TNFSF9: variants seen among roughly 807,000 people sequenced by gnomAD.
TNFSF9 encodes tumor necrosis factor ligand superfamily member 9.
Under a neutral mutation model 10.3 loss-of-function variants are expected in TNFSF9, and 10 were observed. The observed-to-expected ratio is 0.97, with a 90% CI of 0.60 to 1.65. The LOEUF is 1.65. TNFSF9 is among the 40% of genes most tolerant of loss of function. The pLI is 0.00. For missense variants in TNFSF9, 361 were observed against 348.9 expected (o/e 1.03, Z -0.28); for synonymous variants, 195 against 176.1 (o/e 1.11, Z -0.85).
At chr19:6,532,219 C>G (rs534552519) in intron 1 of TNFSF9, among the ~76,000 whole-genome samples, 1 of 151,972 alleles carries the variant, frequency 6.6e-6, no homozygotes, top group African/African-American at 2.4e-5. Flanking sequence ...CTTTTCCCTC[C>G]TGAATTCTTG....
chr19:6,532,266 C>CGTGTGTGTGTGT (rs3043218), intron 1 of TNFSF9, among the ~76,000 whole-genome samples: 51 of 139,906 alleles, frequency 3.6e-4, no homozygotes, highest in African/African-American at 1.2e-3. Flanking sequence ...CCACCAGCTT[C>CGTGTGTGTGTGT]GTGTGTGTGT....
At chr19:6,531,436 G>C in intron 1 of TNFSF9, 133 bp downstream of exon 1, 1 of 1,277,364 alleles carries the variant, frequency 7.8e-7, no homozygotes, top group South Asian at 1.8e-5. Context: ...AGACCCACCG[G>C]GGCTCCCATT....
In TNFSF9 at chr19:6,535,197, TC is replaced by T. The variant is rs2145288631; in HGVS notation, c.*135del. On this transcript the variant is annotated 3_prime_UTR_variant, in exon 3 of 3. Coordinates refer to ENST00000245817, the MANE Select transcript of TNFSF9 (RefSeq NM_003811.4). Reference sequence around the variant, plus strand: ...TTGGCAGGGGTCCCTGCTGCTGACCTCCCCTTGAGGACCCTCCTCACCCACT... The same window carrying T: ...TTGGCAGGGGTCCCTGCTGCTGACCTCCCTTGAGGACCCTCCTCACCCACT... The T allele has an allele frequency of 1.0e-6, 1 of 994,424 alleles. No homozygotes were observed. The highest frequency in any genetic ancestry group is 1.4e-6 in the Non-Finnish European group (1 of 714,986). The allele number at this position is 994,424 out of a possible 1,614,324, so 61.6% of individuals were successfully genotyped here. A position where few individuals can be genotyped will look rare whatever the true frequency, so the allele number is the denominator to read the frequency against.
chr19:6,532,019 T>C (rs1313442353), intron 1 of TNFSF9, among the ~76,000 whole-genome samples: 1 of 152,142 alleles, frequency 6.6e-6, no homozygotes, highest in Admixed American at 6.5e-5. Flanking sequence ...AAGCTCTGCA[T>C]CTCTGGGGGG....
rs756206732 is a variant in TNFSF9, at chr19:6,535,094, A to T, written c.*28A>T. On this transcript the variant is annotated 3_prime_UTR_variant, in exon 3 of 3. Coordinates refer to ENST00000245817, the MANE Select transcript of TNFSF9 (RefSeq NM_003811.4). ...TCCAGCCTGGGTGCAGCCCACCTGG[A>T]CAGAGTCCGAATCCTACTCCATCCT... is the stretch of plus-strand genomic sequence containing the variant. 2 of 1,499,688 alleles carry T rather than the reference A, an allele frequency of 1.3e-6. No individual in the cohort carries two copies. Among genetic ancestry groups the T allele is most frequent in the Non-Finnish European group, 1.8e-6 (2 of 1,124,142 alleles). 92.9% of individuals were successfully genotyped at this position (1,499,688 alleles called of 1,614,324 possible).
rs1915229057 is a variant in TNFSF9, at chr19:6,534,724, C to G, written c.423C>G (p.Tyr141Ter). Residue 141 changes from tyrosine to a stop codon, truncating the protein, a stop_gained, in exon 3 of 3, where the codon TAC (tyrosine) becomes TAG (stop). Transcript: ENST00000245817. LOFTEE classifies it low-confidence loss of function (END_TRUNC). ...TGGTGGTGGCCAAGGCTGGAGTCTA[C>G]TATGTCTTCTTTCAACTAGAGCTGC... ...KELVVAKAGV[Y>*]YVFFQLELRR... The G allele has an allele frequency of 6.3e-7, 1 of 1,597,256 alleles. No homozygotes were observed.
In TNFSF9 at chr19:6,531,111, C is replaced by T; in HGVS notation, c.75C>T (p.Arg25=). ...WPPAPRARAC[R]VLPWALVAGL... Reference sequence around the variant, plus strand: ...CCGCGCCCCGCGCTCGCGCCTGCCGCGTACTGCCTTGGGCCCTGGTCGCGG... The same window carrying T: ...CCGCGCCCCGCGCTCGCGCCTGCCGTGTACTGCCTTGGGCCCTGGTCGCGG... Residue 25 remains arginine, a synonymous_variant, in exon 1 of 3, where the codon CGC becomes CGT. Coordinates refer to ENST00000245817, the MANE Select transcript of TNFSF9 (RefSeq NM_003811.4). The T allele has an allele frequency of 6.2e-7, 1 of 1,610,640 alleles. No individual in the cohort carries two copies. Among genetic ancestry groups the T allele is most frequent in the Non-Finnish European group, 8.5e-7 (1 of 1,178,948 alleles).
At chr19:6,533,377 C>T (rs1050299267) in intron 2 of TNFSF9, among the ~76,000 whole-genome samples, 2 of 138,848 alleles carry the variant, frequency 1.4e-5, no homozygotes, top group Admixed American at 7.2e-5. Context: ...CTTCCCTCCC[C>T]GTCCAGAGAC....
Position 6,535,103 on chromosome 19 carries a change from G to T in TNFSF9, c.*37G>T. ...GGTGCAGCCCACCTGGACAGAGTCCGAATCCTACTCCATCCTTCATGGAGA... is the reference window on the plus strand; with the variant it reads ...GGTGCAGCCCACCTGGACAGAGTCCTAATCCTACTCCATCCTTCATGGAGA... On this transcript the variant is annotated 3_prime_UTR_variant, in exon 3 of 3. Coordinates refer to ENST00000245817, the MANE Select transcript of TNFSF9 (RefSeq NM_003811.4). 1 of 1,481,308 alleles carries T rather than the reference G, an allele frequency of 6.8e-7. No homozygotes were observed. 91.8% of individuals were successfully genotyped at this position (1,481,308 alleles called of 1,614,324 possible). A position where few individuals can be genotyped will look rare whatever the true frequency, so the allele number is the denominator to read the frequency against.
rs543563636 is a variant in TNFSF9 at position 6,531,814 on chromosome 19, C to T, written c.267+511C>T. Among the ~76,000 whole-genome samples, 7 of 152,170 alleles carry T rather than the reference C, an allele frequency of 4.6e-5. No homozygotes were observed. The East Asian group carries it at 1.4e-3, about 29-fold the overall frequency. ...ACCCCTCAGGGATACGTCTTCTGCACCCCGGGTCGGAGAAAGGCTGGCTTC... is the reference window on the plus strand; with the variant it reads ...ACCCCTCAGGGATACGTCTTCTGCATCCCGGGTCGGAGAAAGGCTGGCTTC... On this transcript the variant is annotated intron_variant, in intron 1 of 2. Coordinates refer to ENST00000245817, the MANE Select transcript of TNFSF9 (RefSeq NM_003811.4).
chr19:6,535,226 T>C lies in TNFSF9; in HGVS notation c.*160T>C, dbSNP rs973028597. The C allele has an allele frequency of 7.1e-6, 4 of 561,062 alleles. No individual in the cohort carries two copies. The highest frequency in any genetic ancestry group is 7.6e-5 in the Admixed American group (2 of 26,440). The allele number at this position is 561,062 out of a possible 1,614,324, so 34.8% of individuals were successfully genotyped here. Reference sequence around the variant, plus strand: ...CTTGAGGACCCTCCTCACCCACTCCTTCCCCAAGTTGGACCTTGATATTTA... The same window carrying C: ...CTTGAGGACCCTCCTCACCCACTCCCTCCCCAAGTTGGACCTTGATATTTA... On this transcript the variant is annotated 3_prime_UTR_variant, in exon 3 of 3. Coordinates refer to ENST00000245817, the MANE Select transcript of TNFSF9 (RefSeq NM_003811.4).
chr19:6,535,203 T>G lies in TNFSF9; in HGVS notation c.*137T>G. The G allele has an allele frequency of 1.1e-6, 1 of 900,908 alleles. No individual in the cohort carries two copies. 55.8% of individuals were successfully genotyped at this position (900,908 alleles called of 1,614,324 possible). Reference sequence around the variant, plus strand: ...GGGGTCCCTGCTGCTGACCTCCCCTTGAGGACCCTCCTCACCCACTCCTTC... The same window carrying G: ...GGGGTCCCTGCTGCTGACCTCCCCTGGAGGACCCTCCTCACCCACTCCTTC... On this transcript the variant is annotated 3_prime_UTR_variant, in exon 3 of 3. Coordinates refer to ENST00000245817, the MANE Select transcript of TNFSF9 (RefSeq NM_003811.4).
intron 2 of TNFSF9, 114 bp from the exon 3 acceptor site, chr19:6,534,486 G>A (rs2234176): frequency 2.8e-4 from 42 of 151,650 alleles, no homozygotes; most frequent in Non-Finnish European, 2.7e-4. Context: ...CCCGCCCCCC[G>A]GCCCCTGACC....
chr19:6,532,688 A>G, intron 1 of TNFSF9, 98 bp from the exon 2 acceptor site: 1 of 1,572,468 alleles, frequency 6.4e-7, no homozygotes, highest in Non-Finnish European at 8.7e-7. Flanking sequence ...TCAGGTCGGC[A>G]CAGACTCTGG....
Position 6,531,137 on chromosome 19 carries a change from G to A in TNFSF9, c.101G>A (p.Gly34Glu). Residue 34 changes from glycine to glutamate, a missense_variant, in exon 1 of 3, where the codon GGG becomes GAG. Coordinates refer to ENST00000245817, the MANE Select transcript of TNFSF9 (RefSeq NM_003811.4). Reference sequence around the variant, plus strand: ...GTACTGCCTTGGGCCCTGGTCGCGGGGCTGCTGCTGCTGCTGCTGCTCGCT... The same window carrying A: ...GTACTGCCTTGGGCCCTGGTCGCGGAGCTGCTGCTGCTGCTGCTGCTCGCT... The part of the protein sequence containing the change: ...CRVLPWALVA[G>E]LLLLLLLAAA... 1 of 1,605,264 alleles carries A rather than the reference G, an allele frequency of 6.2e-7. No individual in the cohort carries two copies. The highest frequency in any genetic ancestry group is 8.5e-7 in the Non-Finnish European group (1 of 1,176,254).
In TNFSF9 at chr19:6,535,354, T is replaced by G. The variant is rs1915245087; in HGVS notation, c.*288T>G. On this transcript the variant is annotated 3_prime_UTR_variant, in exon 3 of 3. Coordinates refer to ENST00000245817, the MANE Select transcript of TNFSF9 (RefSeq NM_003811.4). ...TTGTGAATGGACTTTTTTAGAGGAG[T>G]TGTTTTGGGGGGGGGGGGGTCTTCG... 1.2e-4 allele frequency: 2 copies of G among 16,212 alleles called. No individual in the cohort carries two copies. The highest frequency in any genetic ancestry group is 4.1e-4 in the Non-Finnish European group (2 of 4,934). The allele number at this position is 16,212 out of a possible 1,614,324, so 1.0% of individuals were successfully genotyped here. A position where few individuals can be genotyped will look rare whatever the true frequency, so the allele number is the denominator to read the frequency against.
chr19:6,534,181 G>A (rs1182205728), intron 2 of TNFSF9, among the ~76,000 whole-genome samples: 2 of 142,132 alleles, frequency 1.4e-5, no homozygotes, highest in South Asian at 4.5e-4. Context: ...CTTCCAGCCA[G>A]ACTCGCCTGG....
chr19:6,531,171 C>T lies in TNFSF9; in HGVS notation c.135C>T (p.Cys45=), dbSNP rs1447724510. 2 of 1,592,948 alleles carry T rather than the reference C, an allele frequency of 1.3e-6. No homozygotes were observed. The highest frequency in any genetic ancestry group is 1.7e-5 in the Admixed American group (1 of 57,488). ...TGCTGCTGCTGCTCGCTGCCGCCTG[C>T]GCCGTCTTCCTCGCCTGCCCCTGGG... ...LLLLLLLAAA[C]AVFLACPWAV... Residue 45 remains cysteine, a synonymous_variant, in exon 1 of 3, where the codon TGC becomes TGT. Transcript: ENST00000245817.
In TNFSF9 at chr19:6,535,921, T is replaced by A. The variant is rs1191140040; in HGVS notation, c.*855T>A. 2 of 152,176 alleles carry A rather than the reference T, an allele frequency of 1.3e-5. No individual in the cohort carries two copies. The highest frequency in any genetic ancestry group is 4.8e-5 in the African/African-American group (2 of 41,440). The allele number at this position is 152,176 out of a possible 1,614,324, so 9.4% of individuals were successfully genotyped here. A position where few individuals can be genotyped will look rare whatever the true frequency, so the allele number is the denominator to read the frequency against. On this transcript the variant is annotated 3_prime_UTR_variant, in exon 3 of 3. Transcript: ENST00000245817. ...ATTTATAATAAACACTCATTTTTCCTCCCTCTGGAGAGTTGGTTGTTAAAT... is the reference window on the plus strand; with the variant it reads ...ATTTATAATAAACACTCATTTTTCCACCCTCTGGAGAGTTGGTTGTTAAAT...
Sources: gnomAD v4.1 joint callset for allele counts (sites outside exome capture counted in the v4.1 genomes callset) on GRCh38, gnomAD v4.1.1 for gene constraint, MANE v1.5 for transcripts, NCBI Gene and HGNC (gene_info 2026-07-23, HGNC 2026-07-21) for gene names.